Variants in KCNH7 observed in about 807,000 individuals in gnomAD.
KCNH7 encodes potassium voltage-gated channel subfamily H member 7.
KCNH7 carries 49 observed loss-of-function variants against 120.8 expected under a neutral mutation model. The observed-to-expected ratio is 0.41, with a 90% CI of 0.32 to 0.51. KCNH7 has a LOEUF of 0.51. KCNH7 is among the 20% of genes least tolerant of loss of function. The pLI is 0.38. For synonymous variants in KCNH7, 547 were observed against 516.1 expected, an observed-to-expected ratio of 1.06 and a Z score of -0.81; for missense variants, 1,097 against 1,446.6, an observed-to-expected ratio of 0.76 and a Z score of 3.92.
chr2:162,799,231 C>T (rs1210864694), intron 2 of KCNH7, among the ~76,000 whole-genome samples: 1 of 151,904 alleles, frequency 6.6e-6, no homozygotes, highest in Admixed American at 6.6e-5. Context: ...TGAAAAAATT[C>T]AATGCCAAAT....
At chr2:162,505,286 G>A (rs551593700) in intron 5 of KCNH7, among the ~76,000 whole-genome samples, 215 of 151,884 alleles carry the variant, frequency 1.4e-3, no homozygotes, top group Middle Eastern at 0.01. Flanking sequence ...GAAAACTCTT[G>A]GATCATATGT....
In KCNH7 at chr2:162,466,250, G is replaced by C. The variant is rs1370291694; in HGVS notation, c.1129-19807C>G. Among the ~76,000 whole-genome samples the C allele has an allele frequency of 1.6e-4, 25 of 152,132 alleles. 1 individual carries two copies. Among genetic ancestry groups the C allele is most frequent in the Admixed American group, 1.6e-3 (25 of 15,274 alleles). ...TATGAAAGAAAATTTAAAAGGTACT[G>C]TATTAGTTCATTCTCATGCTGCTAT... On this transcript the variant is annotated intron_variant, in intron 6 of 15. Transcript: ENST00000332142.
chr2:162,398,577 C>T (rs1472411763), intron 10 of KCNH7, among the ~76,000 whole-genome samples: 1 of 151,778 alleles, frequency 6.6e-6, no homozygotes, highest in Non-Finnish European at 1.5e-5. Flanking sequence ...TAAAAAAGAC[C>T]TGAATTAAAT....
At chr2:162,763,532 A>G (rs999487155) in intron 2 of KCNH7, among the ~76,000 whole-genome samples, 4 of 152,100 alleles carry the variant, frequency 2.6e-5, no homozygotes, top group Admixed American at 2.6e-4. Context: ...AAGTTCCAAA[A>G]TTGTTAGAAA....
chr2:162,686,603 C>T (rs1369581837), intron 2 of KCNH7, among the ~76,000 whole-genome samples: 3 of 152,076 alleles, frequency 2.0e-5, no homozygotes, highest in African/African-American at 7.2e-5. Flanking sequence ...GAGAGTCTGG[C>T]AGGGGTTCAT....
intron 6 of KCNH7, among the ~76,000 whole-genome samples, chr2:162,463,134 G>A (rs1022718110): frequency 2.0e-5 from 3 of 151,884 alleles, no homozygotes; most frequent in African/African-American, 7.2e-5. Flanking sequence ...TTAGTAACAG[G>A]TTCTTGGAAG....
At chr2:162,606,525 T>C (rs977354708) in intron 2 of KCNH7, among the ~76,000 whole-genome samples, 2 of 152,202 alleles carry the variant, frequency 1.3e-5, no homozygotes, top group Admixed American at 1.3e-4. Context: ...AAATCCTAAG[T>C]TCTATTCAAT....
At chr2:162,761,153 TC>T (rs1688954412) in intron 2 of KCNH7, among the ~76,000 whole-genome samples, 1 of 152,038 alleles carries the variant, frequency 6.6e-6, no homozygotes, top group South Asian at 2.1e-4. Context: ...CATCTACATT[TC>T]CCCCTACATT....
At chr2:162,433,133 CACAA>C (rs1688123878) in intron 8 of KCNH7, among the ~76,000 whole-genome samples, 1 of 151,986 alleles carries the variant, frequency 6.6e-6, no homozygotes, top group Admixed American at 6.6e-5. Flanking sequence ...TCATAGATGA[CACAA>C]ACAAATGGAC....
At chr2:162,431,064 G>A (rs1688049093) in intron 8 of KCNH7, among the ~76,000 whole-genome samples, 1 of 151,938 alleles carries the variant, frequency 6.6e-6, no homozygotes, top group Non-Finnish European at 1.5e-5. Context: ...TACAAAAACT[G>A]TCTTTGCAAA....
At chr2:162,549,420 T>C (rs1692591892) in intron 2 of KCNH7, among the ~76,000 whole-genome samples, 1 of 152,254 alleles carries the variant, frequency 6.6e-6, no homozygotes, top group Non-Finnish European at 1.5e-5. Context: ...CCTGATGACT[T>C]TGAAGCTGAT....
At chr2:162,578,778 A>AGTATCAT (rs1428658478) in intron 2 of KCNH7, among the ~76,000 whole-genome samples, 1 of 151,976 alleles carries the variant, frequency 6.6e-6, no homozygotes, top group Non-Finnish European at 1.5e-5. Context: ...AGTGGGACCT[A>AGTATCAT]TTTCCCTTGA....
At chr2:162,477,702 C>T (rs567175557) in intron 6 of KCNH7, among the ~76,000 whole-genome samples, 2 of 152,292 alleles carry the variant, frequency 1.3e-5, no homozygotes, top group South Asian at 4.1e-4. Context: ...CTATTCCCCT[C>T]TTAAAAGCCA....
chr2:162,570,605 G>A (rs1693434393), intron 2 of KCNH7, among the ~76,000 whole-genome samples: 1 of 152,038 alleles, frequency 6.6e-6, no homozygotes, highest in South Asian at 2.1e-4. Context: ...CTCGTTAGTT[G>A]ATGCAGTTTC....
chr2:162,818,189 TCA>T (rs1438507033), intron 2 of KCNH7, among the ~76,000 whole-genome samples: 3 of 152,020 alleles, frequency 2.0e-5, no homozygotes, highest in Non-Finnish European at 4.4e-5. Context: ...ATTTACTTGC[TCA>T]CAGTTACAAA....
At chr2:162,812,050 C>T (rs910439134) in intron 2 of KCNH7, among the ~76,000 whole-genome samples, 2 of 152,022 alleles carry the variant, frequency 1.3e-5, no homozygotes, top group Admixed American at 6.6e-5. Flanking sequence ...TGTGAGTGTA[C>T]AGCACACGTG....
intron 2 of KCNH7, among the ~76,000 whole-genome samples, chr2:162,723,327 C>T (rs1475055279): frequency 6.6e-6 from 1 of 152,102 alleles, no homozygotes; most frequent in Admixed American, 6.6e-5. Flanking sequence ...CTCTCAAATC[C>T]TCTCTTGTGC....
intron 2 of KCNH7, among the ~76,000 whole-genome samples, chr2:162,802,361 C>T (rs1684382371): frequency 6.6e-6 from 1 of 151,762 alleles, no homozygotes; most frequent in African/African-American, 2.4e-5. Context: ...TAGGATTAAA[C>T]TCCACATTAG....
chr2:162,822,473 T>C (rs745465488), intron 2 of KCNH7, among the ~76,000 whole-genome samples: 1 of 152,176 alleles, frequency 6.6e-6, no homozygotes, highest in Non-Finnish European at 1.5e-5. Flanking sequence ...TCACACAATG[T>C]GTATGTTCCA....
Sources: allele counts gnomAD v4.1 joint callset (sites outside exome capture counted in the v4.1 genomes callset), GRCh38; gene constraint gnomAD v4.1.1; transcripts MANE v1.5; gene names NCBI Gene and HGNC (gene_info 2026-07-23, HGNC 2026-07-21).